Variants in ROBO2 observed in about 807,000 individuals in gnomAD.
ROBO2 encodes roundabout guidance receptor 2, also known as roundabout homolog 2.
ROBO2 carries 53 observed loss-of-function variants against 160.8 expected under a neutral mutation model. That is an observed-to-expected ratio of 0.33 (90% CI 0.26 to 0.41). The LOEUF is 0.41. Among genes scored for constraint, ROBO2 ranks in the 10% least tolerant of loss-of-function variants. The pLI is 1.00. For synonymous variants in ROBO2, 664 were observed against 611.7 expected, an observed-to-expected ratio of 1.09 and a Z score of -1.26; for missense variants, 1,577 against 1,722.4, an observed-to-expected ratio of 0.92 and a Z score of 1.49.
intron 2 of ROBO2, among the ~76,000 whole-genome samples, chr3:76,825,670 G>A (rs1576872757): frequency 7.1e-6 from 1 of 140,540 alleles, no homozygotes; most frequent in East Asian, 2.2e-4. Context: ...ACAAAAGGCA[G>A]TGTCTGTTTC....
chr3:76,641,889 C>G (rs1470188259), intron 2 of ROBO2, among the ~76,000 whole-genome samples: 1 of 152,098 alleles, frequency 6.6e-6, no homozygotes, highest in Non-Finnish European at 1.5e-5. Context: ...AGGCATGTAC[C>G]ACCATGCCTG....
At chr3:76,008,232 C>CAAAAAAAAAAAAAAA (rs5850225) in intron 2 of ROBO2, among the ~76,000 whole-genome samples, 1 of 82,278 alleles carries the variant, frequency 1.2e-5, no homozygotes, top group Non-Finnish European at 2.4e-5. Context: ...AAGACTCTGT[C>CAAAAAAAAAAAAAAA]AAAAAAAAAA....
intron 2 of ROBO2, among the ~76,000 whole-genome samples, chr3:76,707,713 A>G (rs1305125393): frequency 1.5e-5 from 2 of 137,044 alleles, no homozygotes. Flanking sequence ...ACACACACAC[A>G]TTAGAATACA....
At chr3:77,040,839 G>T (rs2064007592) in exon 1 of ROBO2, 1 of 1,614,042 alleles carries the variant, frequency 6.2e-7, no homozygotes, top group East Asian at 2.2e-5. Flanking sequence ...TATATGTTCG[G>T]GTTGATGGTA....
At chr3:75,987,509 G>C (rs1388296292) in intron 2 of ROBO2, among the ~76,000 whole-genome samples, 1 of 151,702 alleles carries the variant, frequency 6.6e-6, no homozygotes, top group Admixed American at 6.6e-5. Flanking sequence ...AGAGATAATT[G>C]TACTTCTTCC....
intron 2 of ROBO2, among the ~76,000 whole-genome samples, chr3:77,210,171 C>T (rs1045753157): frequency 1.3e-5 from 2 of 151,462 alleles, no homozygotes; most frequent in African/African-American, 2.4e-5. Flanking sequence ...AATTTTCCTT[C>T]TTCATTGTGG....
chr3:76,934,347 T>C (rs12635981), intron 2 of ROBO2, among the ~76,000 whole-genome samples: 67,114 of 151,834 alleles, frequency 0.44, 15,123 homozygotes, highest in African/African-American at 0.51. Context: ...AATATCATAG[T>C]TTACAGATTT....
At chr3:76,331,443 C>T (rs2073476153) in intron 2 of ROBO2, among the ~76,000 whole-genome samples, 2 of 151,798 alleles carry the variant, frequency 1.3e-5, no homozygotes, top group Admixed American at 1.3e-4. Flanking sequence ...GTTCTCATTC[C>T]CATTAAATCT....
intron 2 of ROBO2, among the ~76,000 whole-genome samples, chr3:76,836,695 T>C (rs915967712): frequency 6.6e-6 from 1 of 151,888 alleles, no homozygotes; most frequent in African/African-American, 2.4e-5. Flanking sequence ...TCTAGATATC[T>C]AGATATCTTT....
intron 2 of ROBO2, among the ~76,000 whole-genome samples, chr3:77,332,717 A>G (rs2066100931): frequency 6.6e-6 from 1 of 152,236 alleles, no homozygotes; most frequent in African/African-American, 2.4e-5. Flanking sequence ...GATGTAGTAC[A>G]TGTTTGTACC....
chr3:77,224,379 A>T (rs189778100), intron 2 of ROBO2, among the ~76,000 whole-genome samples: 3 of 152,098 alleles, frequency 2.0e-5, no homozygotes, highest in Non-Finnish European at 4.4e-5. Context: ...ATGCTTGGGG[A>T]AAAGATATCT....
intron 18 of ROBO2, 35 bp from the exon 20 acceptor site, chr3:77,596,588 T>G (rs1171011518): frequency 6.2e-7 from 1 of 1,613,390 alleles, no homozygotes. Context: ...TGCATTGAGC[T>G]CCATGTGTTG....
At position 76,814,016 on chromosome 3, in the gene ROBO2, C is replaced by A. The variant is rs1009028811; in HGVS notation, c.110-283998C>A. On this transcript the variant is annotated intron_variant, in intron 2 of 26. Coordinates refer to the ROBO2 transcript ENST00000487694. ...AGTCATTCCAAAACAAATACATATG[C>A]CTGAGAAACAAAAATAATATTCAAT... Among the ~76,000 whole-genome samples, 7 of 151,882 alleles carry A rather than the reference C, an allele frequency of 4.6e-5. No homozygotes were observed. The East Asian group carries it at 1.3e-3, about 29-fold the overall frequency.
intron 2 of ROBO2, among the ~76,000 whole-genome samples, chr3:77,181,188 T>C (rs2080749807): frequency 6.6e-6 from 1 of 152,120 alleles, no homozygotes; most frequent in Non-Finnish European, 1.5e-5. Context: ...GCAATGCCTT[T>C]GGTTTTGCCA....
chr3:76,049,073 C>G (rs929165986), intron 2 of ROBO2, among the ~76,000 whole-genome samples: 3 of 152,098 alleles, frequency 2.0e-5, no homozygotes, highest in Non-Finnish European at 4.4e-5. Flanking sequence ...TAATGGTCAT[C>G]TCTTTGGGGG....
intron 2 of ROBO2, among the ~76,000 whole-genome samples, chr3:76,120,361 G>A (rs560842512): frequency 1.3e-5 from 2 of 151,122 alleles, no homozygotes; most frequent in African/African-American, 4.9e-5. Context: ...TGAGTGGTAG[G>A]GCAAGGTTCA....
intron 2 of ROBO2, among the ~76,000 whole-genome samples, chr3:76,213,655 A>G (rs1162254737): frequency 6.6e-6 from 1 of 152,178 alleles, no homozygotes; most frequent in African/African-American, 2.4e-5. Context: ...ATCAAAGTGG[A>G]GCACATGGAA....
At chr3:76,992,585 A>C (rs1488344606) in intron 2 of ROBO2, among the ~76,000 whole-genome samples, 1 of 151,572 alleles carries the variant, frequency 6.6e-6, no homozygotes, top group Non-Finnish European at 1.5e-5. Flanking sequence ...CCAATTTTTC[A>C]TGGGAGAGAA....
intron 2 of ROBO2, among the ~76,000 whole-genome samples, chr3:75,948,206 T>G (rs1948392570): frequency 6.6e-6 from 1 of 152,086 alleles, no homozygotes; most frequent in South Asian, 2.1e-4. Flanking sequence ...TTGTTGTGTA[T>G]GATATAGATG....
Sources: allele counts gnomAD v4.1 joint callset (sites outside exome capture counted in the v4.1 genomes callset), GRCh38; gene constraint gnomAD v4.1.1; transcripts MANE v1.5; gene names NCBI Gene and HGNC (gene_info 2026-07-23, HGNC 2026-07-21).